The following IBTK variants were observed in gnomAD, a reference collection of about 807,000 sequenced individuals.
IBTK encodes the protein BTK-binding protein.
A neutral mutation model predicts 154.9 loss-of-function variants in IBTK; 83 were observed. The ratio of observed to expected loss-of-function variants is 0.54; its 90% CI spans 0.45 to 0.64. The LOEUF (loss-of-function observed/expected upper bound fraction) is 0.64, where lower values mean the gene tolerates loss of function less well. Ranked by LOEUF, IBTK falls within the 30% of genes least tolerant of loss-of-function variation. The probability of loss-of-function intolerance (pLI) is 0.00; values close to 1 mark genes in which losing one functional copy is unlikely to be tolerated. For missense variants in IBTK, 1,332 were observed against 1,584.6 expected, an observed-to-expected ratio of 0.84 and a Z score of 2.71; for synonymous variants, 515 against 536.1, an observed-to-expected ratio of 0.96 and a Z score of 0.54.
intron 16 of IBTK, among the ~76,000 whole-genome samples, chr6:82,206,273 T>C (rs1269010568): frequency 3.3e-5 from 5 of 152,118 alleles, no homozygotes; most frequent in Non-Finnish European, 7.4e-5. Flanking sequence ...TGTAGAGCAA[T>C]AGTATCCTTA....
intron 25 of IBTK, 105 bp downstream of exon 25, chr6:82,190,968 A>C: frequency 1.2e-6 from 1 of 800,134 alleles, no homozygotes; most frequent in Non-Finnish European, 1.8e-6. Context: ...AAATACTTGA[A>C]AAGACTTTAG....
intron 9 of IBTK, among the ~76,000 whole-genome samples, chr6:82,220,167 GAC>G (rs1379641592): frequency 6.6e-6 from 1 of 152,056 alleles, no homozygotes; most frequent in East Asian, 1.9e-4. Flanking sequence ...CCGACATCAT[GAC>G]ACTGTACTCT....
In IBTK at chr6:82,240,101, A is replaced by T. The variant is rs548153429; in HGVS notation, c.321+65T>A. On this transcript the variant is annotated intron_variant, in intron 2 of 28. Transcript: ENST00000306270. ...ATTTTCCAAAAAGCATGTAGGATGT[A>T]TGAAAATGATTAAGAAAAACATATT... 9 of 1,389,030 alleles carry T rather than the reference A, an allele frequency of 6.5e-6. No homozygotes were observed. The South Asian group carries it at 1.1e-4, about 17-fold the overall frequency. The allele number at this position is 1,389,030 out of a possible 1,614,324, so 86.0% of individuals were successfully genotyped here. A position where few individuals can be genotyped will look rare whatever the true frequency, so the allele number is the denominator to read the frequency against.
chr6:82,213,078 A>G (rs1297780763), intron 12 of IBTK, among the ~76,000 whole-genome samples: 1 of 152,024 alleles, frequency 6.6e-6, no homozygotes, highest in Non-Finnish European at 1.5e-5. Flanking sequence ...CCCAGGCTAG[A>G]GTGTGGTGGC....
At chr6:82,236,933 TC>T (rs561876101) in intron 2 of IBTK, among the ~76,000 whole-genome samples, 118 of 152,286 alleles carry the variant, frequency 7.7e-4, no homozygotes, top group African/African-American at 2.7e-3. Context: ...GTGGAATACA[TC>T]CACTGTTATG....
intron 6 of IBTK, 40 bp downstream of exon 6, chr6:82,225,437 G>C (rs1466259928): frequency 6.6e-7 from 1 of 1,517,632 alleles, no homozygotes; most frequent in Non-Finnish European, 9.0e-7. Flanking sequence ...AGGTTTTATT[G>C]CAAATGTAAA....
chr6:82,206,443 C>T (rs1382706584), intron 16 of IBTK, among the ~76,000 whole-genome samples: 3 of 152,120 alleles, frequency 2.0e-5, no homozygotes, highest in African/African-American at 7.2e-5. Flanking sequence ...AAACTTCCTA[C>T]AAAGAAGAGT....
chr6:82,195,675 C>T (rs1376578362), intron 22 of IBTK, among the ~76,000 whole-genome samples: 1 of 152,094 alleles, frequency 6.6e-6, no homozygotes, highest in Non-Finnish European at 1.5e-5. Context: ...AGTTCCGATA[C>T]GTTTTGTGGA....
intron 26 of IBTK, 140 bp from the exon 27 acceptor site, chr6:82,173,578 A>C (rs968649938): frequency 1.9e-6 from 1 of 513,930 alleles, no homozygotes; most frequent in Admixed American, 3.4e-5. Flanking sequence ...TTACCTTTAA[A>C]ATTATAAGTA....
chr6:82,224,544 C>T (rs1247015307), intron 6 of IBTK, among the ~76,000 whole-genome samples: 2 of 152,222 alleles, frequency 1.3e-5, no homozygotes, highest in African/African-American at 4.8e-5. Context: ...TAGATATTTC[C>T]ATGGTCTCTC....
At chr6:82,227,500 A>G (rs1439820710) in intron 4 of IBTK, among the ~76,000 whole-genome samples, 198 bp from the exon 5 acceptor site, 1 of 152,214 alleles carries the variant, frequency 6.6e-6, no homozygotes, top group Non-Finnish European at 1.5e-5. Flanking sequence ...AATTATGTCT[A>G]AAAACATTGA....
chr6:82,171,848 C>A (rs905802929), intron 28 of IBTK, among the ~76,000 whole-genome samples: 4 of 152,164 alleles, frequency 2.6e-5, no homozygotes, highest in Non-Finnish European at 5.9e-5. Flanking sequence ...ATTCCAATAG[C>A]TTTATTCTGT....
chr6:82,202,334 C>T (rs1256113549), intron 18 of IBTK, among the ~76,000 whole-genome samples, 194 bp downstream of exon 18: 3 of 152,102 alleles, frequency 2.0e-5, no homozygotes, highest in Non-Finnish European at 4.4e-5. Context: ...AAAAAGATCA[C>T]TGTTAAAAAC....
intron 1 of IBTK, among the ~76,000 whole-genome samples, chr6:82,246,589 C>A (rs1771156977): frequency 6.6e-6 from 1 of 152,070 alleles, no homozygotes; most frequent in Non-Finnish European, 1.5e-5. Flanking sequence ...AGGCGTGAGC[C>A]ACCGCGCCCG....
chr6:82,196,461 T>TA lies in IBTK; in HGVS notation c.3026-16dup, dbSNP rs764036027. The TA allele has an allele frequency of 3.7e-5, 58 of 1,560,640 alleles. No homozygotes were observed. Among genetic ancestry groups the TA allele is most frequent in the South Asian group, 8.3e-5 (7 of 84,068 alleles). The stretch of plus-strand genomic sequence containing the variant: ...CTTTAATAATCCTAAAACATGAAAT[T>TA]AAAAAAAATTAAACACATATGCATT... On this transcript the variant is annotated splice_polypyrimidine_tract_variant and intron_variant, in intron 21 of 28. Coordinates refer to ENST00000306270, the MANE Select transcript of IBTK (RefSeq NM_015525.4).
chr6:82,200,740 C>T (rs1582208983), intron 19 of IBTK, 32 bp from the exon 20 acceptor site: 1 of 578,388 alleles, frequency 1.7e-6, no homozygotes, highest in South Asian at 1.9e-5. Context: ...TTTTCAAATA[C>T]AAAATCTGTG....
intron 2 of IBTK, among the ~76,000 whole-genome samples, chr6:82,238,424 ATAAAT>A (rs1452587676): frequency 3.3e-5 from 5 of 152,124 alleles, no homozygotes; most frequent in Admixed American, 6.5e-5. Flanking sequence ...AAAATTTTAT[ATAAAT>A]TAAACAATTT....
Position 82,173,384 on chromosome 6 carries a change from T to G in IBTK, c.3780A>C (p.Pro1260=). ...AACCTTACTTGGGACTGTCTAGAAG[T>G]GGTAAATCTGAAATATGGTTGCCTT... ...GPEGNHISDL[P]LLDSPNPWLS... The change falls in exon 27 of 29, where the codon CCA becomes CCC. Residue 1260 remains proline (P), a synonymous_variant. Transcript: ENST00000306270. The G allele has an allele frequency of 6.2e-7, 1 of 1,613,200 alleles. No homozygotes were observed. Among genetic ancestry groups the G allele is most frequent in the Non-Finnish European group, 8.5e-7 (1 of 1,179,298 alleles).
Position 82,247,543 on chromosome 6 carries a change from G to A in IBTK, c.-358+19C>T, listed in dbSNP as rs1483557196. 2 of 398,880 alleles carry A rather than the reference G, an allele frequency of 5.0e-6. No individual in the cohort carries two copies. Among genetic ancestry groups the A allele is most frequent in the African/African-American group, 2.1e-5 (1 of 48,660 alleles). The allele number at this position is 398,880 out of a possible 1,614,324, so 24.7% of individuals were successfully genotyped here. A position where few individuals can be genotyped will look rare whatever the true frequency, so the allele number is the denominator to read the frequency against. ...GGAAGCCGCACCGCACGGTCGGGCAGCGCCAAGCCCTCCCTCACCAGTCGC... is the reference window on the plus strand; with the variant it reads ...GGAAGCCGCACCGCACGGTCGGGCAACGCCAAGCCCTCCCTCACCAGTCGC... On this transcript the variant is annotated intron_variant, in intron 1 of 28. Coordinates refer to ENST00000306270, the MANE Select transcript of IBTK (RefSeq NM_015525.4).
Sources: gnomAD v4.1 joint callset for allele counts (sites outside exome capture counted in the v4.1 genomes callset) on GRCh38, gnomAD v4.1.1 for gene constraint, MANE v1.5 for transcripts, NCBI Gene and HGNC (gene_info 2026-07-23, HGNC 2026-07-21) for gene names.